MAML3: variants seen among roughly 807,000 people sequenced by gnomAD.
MAML3 encodes the protein mastermind-like protein 3.
In MAML3, 27 loss-of-function variants were observed where a neutral mutation model predicts 101.9. The ratio of observed to expected loss-of-function variants is 0.27; its 90% CI spans 0.20 to 0.37. MAML3 has a LOEUF of 0.37. Among genes scored for constraint, MAML3 ranks in the 10% least tolerant of loss-of-function variants. MAML3 has a pLI of 1.00. For missense variants in MAML3, 1,316 were observed against 1,444.9 expected (o/e 0.91, Z 1.45); for synonymous variants, 501 against 555.9 (o/e 0.90, Z 1.39).
At chr4:139,991,898 A>AT (rs1734682030) in intron 1 of MAML3, among the ~76,000 whole-genome samples, 1 of 152,106 alleles carries the variant, frequency 6.6e-6, no homozygotes, top group African/African-American at 2.4e-5. Context: ...TAAAAAAAAA[A>AT]TTTCAAGTGT....
intron 2 of MAML3, among the ~76,000 whole-genome samples, chr4:139,881,624 TGAAA>T (rs1732220463): frequency 6.6e-6 from 1 of 152,124 alleles, no homozygotes; most frequent in Non-Finnish European, 1.5e-5. Context: ...GCTTCTTTTA[TGAAA>T]GAAAGAAAAA....
At chr4:139,827,071 A>G (rs1439132500) in intron 2 of MAML3, among the ~76,000 whole-genome samples, 1 of 152,168 alleles carries the variant, frequency 6.6e-6, no homozygotes, top group Non-Finnish European at 1.5e-5. Context: ...CAAGGTTAAT[A>G]CAGAGTCTGA....
At chr4:139,872,748 A>G (rs1732038661) in intron 2 of MAML3, among the ~76,000 whole-genome samples, 1 of 147,706 alleles carries the variant, frequency 6.8e-6, no homozygotes, top group Middle Eastern at 3.4e-3. Flanking sequence ...AGAAATAAAA[A>G]TCCTATCAAT....
chr4:139,910,204 C>T (rs1732892733), intron 1 of MAML3, among the ~76,000 whole-genome samples: 1 of 152,180 alleles, frequency 6.6e-6, no homozygotes, highest in Non-Finnish European at 1.5e-5. Flanking sequence ...CTCAACATCA[C>T]CTGGGAACTT....
chr4:139,867,882 G>C (rs1222999454), intron 2 of MAML3, among the ~76,000 whole-genome samples: 2 of 152,252 alleles, frequency 1.3e-5, no homozygotes, highest in African/African-American at 4.8e-5. Context: ...CACAGCCCCT[G>C]TGGGATGGCC....
Position 140,069,405 on chromosome 4 carries a change from GA to G in MAML3, c.468+83454del, listed in dbSNP as rs1285111845. On this transcript the variant is annotated intron_variant, in intron 1 of 4. Coordinates refer to ENST00000509479, the MANE Select transcript of MAML3 (RefSeq NM_018717.5). ...GAAGAAGGAGGAGGAGGAGGAGGAG[GA>G]GGAGGAGGAGGAGGGGAAGGAGGAG... 8.0e-4 allele frequency among the ~76,000 whole-genome samples: 88 copies of G among 110,030 alleles called. 2 individuals carry two copies. Among genetic ancestry groups the G allele is most frequent in the Non-Finnish European group, 1.3e-3 (71 of 53,608 alleles). 72.2% of individuals were successfully genotyped at this position (110,030 alleles called of 152,430 possible).
chr4:139,823,772 CTATTCTTTTT>C (rs1482450942), intron 2 of MAML3, among the ~76,000 whole-genome samples: 1 of 150,952 alleles, frequency 6.6e-6, no homozygotes, highest in African/African-American at 2.4e-5. Flanking sequence ...GGCAGAGTTC[CTATTCTTTTT>C]TATCCGCTCA....
At chr4:139,886,871 A>G (rs537518237) in intron 2 of MAML3, among the ~76,000 whole-genome samples, 7 of 152,316 alleles carry the variant, frequency 4.6e-5, no homozygotes, top group Non-Finnish European at 8.8e-5. Context: ...GCGCATTCCT[A>G]TTCATTTCTG....
intron 1 of MAML3, among the ~76,000 whole-genome samples, chr4:139,978,620 AG>A (rs1163789806): frequency 3.4e-5 from 5 of 147,902 alleles, no homozygotes; most frequent in Non-Finnish European, 4.5e-5. Context: ...TCAAAAAAAA[AG>A]AGAGAGAGAG....
At chr4:139,857,454 A>G (rs553349183) in intron 2 of MAML3, among the ~76,000 whole-genome samples, 1 of 152,294 alleles carries the variant, frequency 6.6e-6, no homozygotes, top group Admixed American at 6.5e-5. Flanking sequence ...TAATAAACCA[A>G]CATATTGATA....
At chr4:139,775,866 A>G (rs895074129) in intron 2 of MAML3, among the ~76,000 whole-genome samples, 1 of 152,196 alleles carries the variant, frequency 6.6e-6, no homozygotes, top group Non-Finnish European at 1.5e-5. Flanking sequence ...AGTTTAAAGC[A>G]TTTTATGGTT....
At chr4:139,842,756 G>A (rs555560263) in intron 2 of MAML3, among the ~76,000 whole-genome samples, 2 of 104,110 alleles carry the variant, frequency 1.9e-5, no homozygotes, top group African/African-American at 3.9e-5. Flanking sequence ...CAAGTTATCC[G>A]CTTGCCTTTT....
intron 1 of MAML3, among the ~76,000 whole-genome samples, chr4:139,992,039 C>T (rs1443706186): frequency 1.3e-5 from 2 of 152,108 alleles, no homozygotes; most frequent in African/African-American, 2.4e-5. Context: ...ACAAAGCAGC[C>T]CCAGATCAAC....
chr4:139,992,932 G>A (rs1054145296), intron 1 of MAML3, among the ~76,000 whole-genome samples: 5 of 152,110 alleles, frequency 3.3e-5, no homozygotes, highest in Non-Finnish European at 7.3e-5. Flanking sequence ...TCACATTCCC[G>A]TAACTAGTAA....
chr4:140,111,956 TCA>T (rs1480475509), intron 1 of MAML3, among the ~76,000 whole-genome samples: 5 of 152,216 alleles, frequency 3.3e-5, no homozygotes, highest in Admixed American at 6.5e-5. Flanking sequence ...TATTAGAGGC[TCA>T]TTCCTTTATA....
At chr4:139,779,364 C>T (rs938607899) in intron 2 of MAML3, among the ~76,000 whole-genome samples, 1 of 152,064 alleles carries the variant, frequency 6.6e-6, no homozygotes, top group African/African-American at 2.4e-5. Context: ...CATCAGGTGG[C>T]TGGTGGAGTG....
intron 1 of MAML3, among the ~76,000 whole-genome samples, chr4:139,942,479 A>G (rs1007703550): frequency 2.6e-5 from 4 of 152,212 alleles, no homozygotes; most frequent in Non-Finnish European, 5.9e-5. Context: ...CACTGTCCAG[A>G]GGAACTGGAG....
intron 1 of MAML3, among the ~76,000 whole-genome samples, chr4:140,041,570 G>A (rs796585008): frequency 2.6e-5 from 4 of 152,074 alleles, no homozygotes; most frequent in Non-Finnish European, 4.4e-5. Flanking sequence ...GCAGTGAGCC[G>A]AGATCACGCC....
chr4:139,842,762 CTTTTTTTTTTTTTTTTTTTTT>C (rs71584337), intron 2 of MAML3, among the ~76,000 whole-genome samples: 9 of 30,964 alleles, frequency 2.9e-4, no homozygotes, highest in Admixed American at 2.6e-3. Context: ...ATCCGCTTGC[CTTTTTTTTTTTTTTTTTTTTT>C]TTTTTTTTTT....
Sources: gnomAD v4.1 joint callset for allele counts (sites outside exome capture counted in the v4.1 genomes callset) on GRCh38, gnomAD v4.1.1 for gene constraint, MANE v1.5 for transcripts, NCBI Gene and HGNC (gene_info 2026-07-23, HGNC 2026-07-21) for gene names.